SLC35F3: variants seen among roughly 807,000 people sequenced by gnomAD.
The protein encoded by SLC35F3 is solute carrier family 35 member F3.
Under a neutral mutation model 49.9 loss-of-function variants are expected in SLC35F3, and 25 were observed. The ratio of observed to expected loss-of-function variants is 0.50; its 90% CI spans 0.37 to 0.70. The LOEUF is 0.70. SLC35F3 is among the 30% of genes least tolerant of loss of function. The pLI, the probability that SLC35F3 is intolerant of heterozygous loss-of-function variation, is 0.00. For synonymous variants in SLC35F3, 275 were observed against 265.4 expected (o/e 1.04, Z -0.35); for missense variants, 525 against 639.8 (o/e 0.82, Z 1.94).
chr1:234,002,126 AT>A (rs1663563745), intron 2 of SLC35F3, among the ~76,000 whole-genome samples: 1 of 152,110 alleles, frequency 6.6e-6, no homozygotes, highest in Non-Finnish European at 1.5e-5. Context: ...AAGTGTTTTC[AT>A]TTTATGATAC....
rs888351938 is a variant in SLC35F3, at chr1:234,318,391, C to T, written c.955-360C>T. Among the ~76,000 whole-genome samples the T allele has an allele frequency of 3.3e-5, 5 of 152,326 alleles. 1 individual carries two copies. The South Asian group carries it at 1.0e-3, about 32-fold the overall frequency. On this transcript the variant is annotated intron_variant, in intron 5 of 7. Transcript: ENST00000366618. ...GTTTCTTGGGAGCAGTGGTGTTCAA[C>T]CTGCTTATACAGGGTCCAGGATCCC...
chr1:234,175,662 CAAAAAA>C (rs35257762), intron 2 of SLC35F3, among the ~76,000 whole-genome samples: 1 of 98,704 alleles, frequency 1.0e-5, no homozygotes. Context: ...GACCCTGTCT[CAAAAAA>C]AAAAAAAAAA....
At chr1:234,077,105 C>T (rs1231372949) in intron 2 of SLC35F3, among the ~76,000 whole-genome samples, 3 of 150,418 alleles carry the variant, frequency 2.0e-5, no homozygotes, top group East Asian at 2.0e-4. Flanking sequence ...CCCGGGTTCA[C>T]GCCATTCTCC....
intron 2 of SLC35F3, among the ~76,000 whole-genome samples, chr1:234,115,407 A>T (rs570126861): frequency 5.9e-5 from 9 of 152,130 alleles, no homozygotes; most frequent in Non-Finnish European, 1.0e-4. Context: ...GGCTGCTCTG[A>T]GGACCAATGC....
intron 3 of SLC35F3, among the ~76,000 whole-genome samples, chr1:234,270,778 C>G (rs1668085704): frequency 6.6e-6 from 1 of 152,202 alleles, no homozygotes; most frequent in Non-Finnish European, 1.5e-5. Flanking sequence ...GTTCGTGTAA[C>G]AACTTGCAAG....
chr1:234,220,849 T>G (rs1667193789), intron 2 of SLC35F3, among the ~76,000 whole-genome samples: 1 of 151,152 alleles, frequency 6.6e-6, no homozygotes, highest in Non-Finnish European at 1.5e-5. Flanking sequence ...GATGGGGGAG[T>G]CACGTTTAGA....
chr1:234,238,419 C>T (rs1481012452), intron 3 of SLC35F3, among the ~76,000 whole-genome samples: 1 of 152,180 alleles, frequency 6.6e-6, no homozygotes, highest in Admixed American at 6.5e-5. Context: ...TGGGTTGTCT[C>T]TGCCTGTTTT....
chr1:234,105,921 C>G (rs1572053802), intron 2 of SLC35F3, among the ~76,000 whole-genome samples: 1 of 152,186 alleles, frequency 6.6e-6, no homozygotes, highest in South Asian at 2.1e-4. Flanking sequence ...GTTCCCTTTT[C>G]CCTCAACTAC....
intron 2 of SLC35F3, among the ~76,000 whole-genome samples, chr1:233,917,905 G>A (rs1661997298): frequency 6.6e-6 from 1 of 152,210 alleles, no homozygotes; most frequent in Non-Finnish European, 1.5e-5. Flanking sequence ...TTTACATAAT[G>A]TCGACAACAG....
intron 3 of SLC35F3, among the ~76,000 whole-genome samples, chr1:234,251,193 G>A (rs1373371789): frequency 1.3e-5 from 2 of 152,086 alleles, no homozygotes; most frequent in Non-Finnish European, 2.9e-5. Context: ...CCTTTAGGAT[G>A]ATTTCATTGC....
At chr1:234,316,423 C>A (rs1016500722) in intron 4 of SLC35F3, among the ~76,000 whole-genome samples, 179 bp from the exon 5 acceptor site, 1 of 152,230 alleles carries the variant, frequency 6.6e-6, no homozygotes, top group African/African-American at 2.4e-5. Flanking sequence ...TAAGCAGCAA[C>A]AAAAATTTAG....
intron 2 of SLC35F3, among the ~76,000 whole-genome samples, chr1:234,004,412 A>G (rs538580049): frequency 6.6e-6 from 1 of 152,268 alleles, no homozygotes; most frequent in East Asian, 1.9e-4. Flanking sequence ...ATAGTGTAAT[A>G]TATTTTCTAT....
At chr1:233,925,662 T>C (rs1162602249) in intron 2 of SLC35F3, among the ~76,000 whole-genome samples, 1 of 152,230 alleles carries the variant, frequency 6.6e-6, no homozygotes, top group Non-Finnish European at 1.5e-5. Flanking sequence ...TGTGTGAATT[T>C]GATCCTGTCA....
chr1:234,217,188 T>G (rs891313526), intron 2 of SLC35F3, among the ~76,000 whole-genome samples: 11 of 152,148 alleles, frequency 7.2e-5, no homozygotes, highest in African/African-American at 2.7e-4. Context: ...GAGTGTGTCA[T>G]CTAAGGGGAG....
intron 3 of SLC35F3, among the ~76,000 whole-genome samples, chr1:234,277,468 G>A (rs919562483): frequency 5.3e-5 from 8 of 152,206 alleles, no homozygotes; most frequent in East Asian, 3.8e-4. Context: ...GGCCATCTCA[G>A]CACGACTCAA....
At chr1:234,060,732 A>T (rs1664527532) in intron 2 of SLC35F3, among the ~76,000 whole-genome samples, 1 of 152,162 alleles carries the variant, frequency 6.6e-6, no homozygotes, top group African/African-American at 2.4e-5. Context: ...GATTACAGGC[A>T]TGAGCTACTG....
At chr1:234,011,131 G>A (rs368575912) in intron 2 of SLC35F3, among the ~76,000 whole-genome samples, 1 of 152,216 alleles carries the variant, frequency 6.6e-6, no homozygotes, top group East Asian at 1.9e-4. Flanking sequence ...TGAAATAAAT[G>A]TGAGCTACTA....
chr1:234,287,296 A>G (rs1468409512), intron 3 of SLC35F3, among the ~76,000 whole-genome samples: 1 of 152,166 alleles, frequency 6.6e-6, no homozygotes, highest in East Asian at 1.9e-4. Context: ...CCTTCACAAT[A>G]ATTCCTTAAG....
intron 2 of SLC35F3, among the ~76,000 whole-genome samples, chr1:234,159,199 G>A (rs1025664119): frequency 1.3e-5 from 2 of 152,076 alleles, no homozygotes; most frequent in Non-Finnish European, 1.5e-5. Context: ...CTAAACCCAC[G>A]CATGCCATTC....
Sources: gnomAD v4.1 joint callset for allele counts (sites outside exome capture counted in the v4.1 genomes callset) on GRCh38, gnomAD v4.1.1 for gene constraint, MANE v1.5 for transcripts, NCBI Gene and HGNC (gene_info 2026-07-23, HGNC 2026-07-21) for gene names.